The following LPAR3 variants were observed in gnomAD, a reference collection of about 807,000 sequenced individuals.
LPAR3 encodes the protein LPA receptor 3.
Under a neutral mutation model 17.8 loss-of-function variants are expected in LPAR3, and 7 were observed. The ratio of observed to expected loss-of-function variants is 0.39; its 90% confidence interval spans 0.22 to 0.74. The LOEUF (loss-of-function observed/expected upper bound fraction) is 0.74, where lower values mean the gene tolerates loss of function less well. LPAR3 is among the 30% of genes least tolerant of loss of function. LPAR3 has a pLI of 0.40. For synonymous variants in LPAR3, 179 were observed against 179.9 expected, an observed-to-expected ratio of 0.99 and a Z score of 0.04; for missense variants, 391 against 453.4, an observed-to-expected ratio of 0.86 and a Z score of 1.25.
chr1:84,873,615 A>G (rs1245874085), intron 1 of LPAR3, among the ~76,000 whole-genome samples: 1 of 152,188 alleles, frequency 6.6e-6, no homozygotes, highest in East Asian at 1.9e-4. Flanking sequence ...GGTGCTTGTT[A>G]AGGGTAGGGT....
At chr1:84,837,310 C>T (rs567359201) in intron 2 of LPAR3, among the ~76,000 whole-genome samples, 2 of 152,282 alleles carry the variant, frequency 1.3e-5, no homozygotes, top group South Asian at 2.1e-4. Context: ...CGTAAGCCAC[C>T]GCTCCTGGCT....
intron 1 of LPAR3, among the ~76,000 whole-genome samples, chr1:84,867,441 C>A (rs369946669): frequency 1.7e-4 from 26 of 152,146 alleles, no homozygotes; most frequent in East Asian, 1.2e-3. Context: ...GTAAAAGCCC[C>A]CAGATTTTAA....
At chr1:84,833,396 C>T (rs549419597) in intron 2 of LPAR3, among the ~76,000 whole-genome samples, 1 of 152,292 alleles carries the variant, frequency 6.6e-6, no homozygotes, top group African/African-American at 2.4e-5. Flanking sequence ...ACTCCCTAAG[C>T]CTTGTTTCCT....
chr1:84,876,645 C>T (rs1660265993), intron 1 of LPAR3, among the ~76,000 whole-genome samples: 1 of 152,164 alleles, frequency 6.6e-6, no homozygotes, highest in African/African-American at 2.4e-5. Flanking sequence ...TAAATGGTAT[C>T]CCCTCCCCGC....
At chr1:84,889,904 G>A (rs1660521823) in intron 1 of LPAR3, among the ~76,000 whole-genome samples, 1 of 152,148 alleles carries the variant, frequency 6.6e-6, no homozygotes, top group Non-Finnish European at 1.5e-5. Flanking sequence ...TAGACAGGTA[G>A]AAAAGTAATT....
At chr1:84,827,995 A>G (rs1659194958) in intron 2 of LPAR3, among the ~76,000 whole-genome samples, 1 of 152,210 alleles carries the variant, frequency 6.6e-6, no homozygotes, top group Non-Finnish European at 1.5e-5. Context: ...CAGCTAAACC[A>G]AAAGAAGAAG....
At chr1:84,857,382 T>C (rs563900728) in intron 2 of LPAR3, among the ~76,000 whole-genome samples, 2 of 152,184 alleles carry the variant, frequency 1.3e-5, no homozygotes, top group South Asian at 4.2e-4. Flanking sequence ...TTCTTACAGA[T>C]GAAAAAACTA....
chr1:84,849,745 C>G (rs1455618247), intron 2 of LPAR3, among the ~76,000 whole-genome samples: 2 of 152,130 alleles, frequency 1.3e-5, no homozygotes, highest in African/African-American at 4.8e-5. Context: ...GATACCAGCC[C>G]TAGAAAAGAC....
chr1:84,879,781 GC>G (rs971028417), intron 1 of LPAR3, among the ~76,000 whole-genome samples: 13 of 152,020 alleles, frequency 8.6e-5, no homozygotes, highest in Non-Finnish European at 1.6e-4. Context: ...TGCCAGGTCA[GC>G]CCCAAAACAA....
At position 84,879,812 on chromosome 1, in the gene LPAR3, G is replaced by C. The variant is rs1022596298; in HGVS notation, c.-19+13204C>G. 5.3e-5 allele frequency among the ~76,000 whole-genome samples: 8 copies of C among 152,208 alleles called. No individual in the cohort carries two copies. The East Asian group carries it at 5.8e-4, about 11-fold the overall frequency. On this transcript the variant is annotated intron_variant, in intron 1 of 2. Coordinates refer to ENST00000370611, the MANE Select transcript of LPAR3 (RefSeq NM_012152.3). ...AAACAATGAAGGTGCCCTCCTCCAT[G>C]CTCCTTTCCCTACCTGTAAGTTGGA...
intron 2 of LPAR3, among the ~76,000 whole-genome samples, chr1:84,845,414 A>T (rs1379824623): frequency 2.0e-5 from 3 of 152,174 alleles, no homozygotes; most frequent in Non-Finnish European, 4.4e-5. Flanking sequence ...AGAATCAAAC[A>T]CTCAGACTTT....
intron 2 of LPAR3, among the ~76,000 whole-genome samples, chr1:84,846,709 C>T (rs1284466321): frequency 2.0e-5 from 3 of 151,950 alleles, no homozygotes; most frequent in African/African-American, 7.3e-5. Context: ...CTTTCATTAC[C>T]CACAAAGGGG....
At chr1:84,877,216 G>T (rs767359343) in intron 1 of LPAR3, among the ~76,000 whole-genome samples, 10 of 152,204 alleles carry the variant, frequency 6.6e-5, no homozygotes, top group Non-Finnish European at 1.2e-4. Context: ...TGAGCCAAGG[G>T]GAAGCTGCAG....
chr1:84,813,710 A>AT lies in LPAR3; in HGVS notation c.*135dup, dbSNP rs1658867537. On this transcript the variant is annotated 3_prime_UTR_variant, in exon 3 of 3. Transcript: ENST00000370611. Reference sequence around the variant, plus strand: ...CCATGCTTTTAAACTATGAAAAAAAATTTTTTAAAGAAATCTAGCAGTGAT... The same window carrying AT: ...CCATGCTTTTAAACTATGAAAAAAAATTTTTTTAAAGAAATCTAGCAGTGAT... 9.7e-6 allele frequency: 7 copies of AT among 718,460 alleles called. No individual in the cohort carries two copies. The South Asian group carries it at 1.2e-4, about 13-fold the overall frequency. 44.5% of individuals were successfully genotyped at this position (718,460 alleles called of 1,614,324 possible).
chr1:84,836,356 A>C (rs1458411531), intron 2 of LPAR3, among the ~76,000 whole-genome samples: 2 of 151,156 alleles, frequency 1.3e-5, no homozygotes, highest in African/African-American at 2.4e-5. Context: ...AAAAAAAAAA[A>C]ACCCATTCTG....
At chr1:84,848,958 C>T (rs563247173) in intron 2 of LPAR3, among the ~76,000 whole-genome samples, 2 of 152,242 alleles carry the variant, frequency 1.3e-5, no homozygotes, top group South Asian at 4.1e-4. Context: ...CAGAACAGTA[C>T]AATGTCTAGA....
At chr1:84,851,216 T>G (rs78700756) in intron 2 of LPAR3, among the ~76,000 whole-genome samples, 2,658 of 152,312 alleles carry the variant, frequency 0.017, 86 homozygotes, top group African/African-American at 0.061. Context: ...AAATGAGCTG[T>G]TATTAGAAAT....
At chr1:84,858,541 G>A (rs916764323) in intron 2 of LPAR3, among the ~76,000 whole-genome samples, 3 of 148,530 alleles carry the variant, frequency 2.0e-5, no homozygotes, top group African/African-American at 7.4e-5. Flanking sequence ...TCCCTCCCTT[G>A]TCTACCTGAC....
chr1:84,868,347 T>A (rs1260642067), intron 1 of LPAR3, among the ~76,000 whole-genome samples: 1 of 152,152 alleles, frequency 6.6e-6, no homozygotes, highest in Non-Finnish European at 1.5e-5. Flanking sequence ...TGATCTCAGG[T>A]GATCCGCCCA....
Sources: gnomAD v4.1 joint callset for allele counts (sites outside exome capture counted in the v4.1 genomes callset) on GRCh38, gnomAD v4.1.1 for gene constraint, MANE v1.5 for transcripts, NCBI Gene and HGNC (gene_info 2026-07-23, HGNC 2026-07-21) for gene names.